The following ZNF320 variants were observed in gnomAD, a reference collection of about 807,000 sequenced individuals.
The protein encoded by ZNF320 is zinc finger gene 320.
Under a neutral mutation model 6.8 loss-of-function variants are expected in ZNF320, and 2 were observed. That is an observed-to-expected ratio of 0.29 (90% CI 0.12 to 0.93). ZNF320 has a LOEUF of 0.93. Ranked by LOEUF, ZNF320 falls within the 40% of genes least tolerant of loss-of-function variation. The pLI, the probability that ZNF320 is intolerant of heterozygous loss-of-function variation, is 0.55. For synonymous variants in ZNF320, 208 were observed against 203.2 expected (o/e 1.02, Z -0.20); for missense variants, 472 against 611.0 (o/e 0.77, Z 2.40).
exon 6 of ZNF320, among the ~76,000 whole-genome samples, chr19:52,863,610 GA>G (rs528252648): frequency 0.012 from 1,303 of 107,942 alleles, 11 homozygotes; most frequent in African/African-American, 0.027. Context: ...CTCAAAAAAG[GA>G]AAAAAAAAAA....
chr19:52,898,804 T>C (rs1246071685), upstream of ZNF320, among the ~76,000 whole-genome samples: 1 of 152,212 alleles, frequency 6.6e-6, no homozygotes, highest in Non-Finnish European at 1.5e-5. Flanking sequence ...CTATACAATG[T>C]CTGGAATCTA....
chr19:52,881,406 A>G lies in ZNF320; in HGVS notation c.720T>C (p.Thr240=). The G allele has an allele frequency of 1.2e-6, 2 of 1,614,124 alleles. No individual in the cohort carries two copies. Among genetic ancestry groups the G allele is most frequent in the Non-Finnish European group, 1.7e-6 (2 of 1,180,016 alleles). ...ATLACHHRSH[T]GEKPYKCNEC... ...CATTACACTTATAAGGTTTCTCTCC[A>G]GTATGACTTCTATGATGACATGCAA... Residue 240 remains threonine, a synonymous_variant, in exon 6 of 6, where the codon ACT becomes ACC. Transcript: ENST00000682928.
chr19:52,887,681 G>C (rs367673306), intron 5 of ZNF320, among the ~76,000 whole-genome samples: 1 of 152,094 alleles, frequency 6.6e-6, no homozygotes, highest in East Asian at 1.9e-4. Context: ...TGGCCTCCTG[G>C]GTTCAAGCAA....
chr19:52,862,113 G>T, exon 6 of ZNF320: 1 of 371,874 alleles, frequency 2.7e-6, no homozygotes. Context: ...TCTTCATTAC[G>T]GATTCTCCAA....
chr19:52,880,100 G>C lies in ZNF320; in HGVS notation c.*496C>G, dbSNP rs1353937944. The C allele has an allele frequency of 1.3e-5, 2 of 152,456 alleles. No homozygotes were observed. The highest frequency in any genetic ancestry group is 2.9e-5 in the Non-Finnish European group (2 of 68,302). 9.4% of individuals were successfully genotyped at this position (152,456 alleles called of 1,614,324 possible). ...GTGGTGGCTCACGCCTGTAATCTCA[G>C]CACTTTGGCAGGTGGAGGCAGGTGG... On this transcript the variant is annotated 3_prime_UTR_variant, in exon 6 of 6. Coordinates refer to ENST00000682928, the MANE Select transcript of ZNF320 (RefSeq NM_001351774.2).
At chr19:52,894,446 G>C (rs1014843861) in intron 1 of ZNF320, among the ~76,000 whole-genome samples, 1 of 151,308 alleles carries the variant, frequency 6.6e-6, no homozygotes, top group Non-Finnish European at 1.5e-5. Context: ...ATACACCTGA[G>C]CAAAAGGAAT....
downstream of ZNF320, among the ~76,000 whole-genome samples, chr19:52,871,254 G>C (rs1019759000): frequency 1.3e-5 from 2 of 152,236 alleles, no homozygotes; most frequent in Non-Finnish European, 2.9e-5. Context: ...GGAGTTTCAG[G>C]CTGCTGTAAA....
chr19:52,897,285 G>T (rs1187538645), intron 1 of ZNF320, among the ~76,000 whole-genome samples: 1 of 152,258 alleles, frequency 6.6e-6, no homozygotes, highest in Admixed American at 6.5e-5. Context: ...GGGAACCGGG[G>T]TTGAGGCGCG....
At chr19:52,869,979 G>C (rs926073633) in intron 5 of ZNF320, among the ~76,000 whole-genome samples, 1 of 151,444 alleles carries the variant, frequency 6.6e-6, no homozygotes, top group Non-Finnish European at 1.5e-5. Context: ...GCCTCCCAAA[G>C]TGCTGGGATT....
chr19:52,877,902 C>T lies in ZNF320; in HGVS notation c.*2694G>A, dbSNP rs1318389649. On this transcript the variant is annotated 3_prime_UTR_variant, in exon 6 of 6. Coordinates refer to ENST00000682928, the MANE Select transcript of ZNF320 (RefSeq NM_001351774.2). Reference sequence around the variant, plus strand: ...AAGACTCCATCTCAAAAAAACAAAACAAACAAAACAGAATTTAAAATACAG... The same window carrying T: ...AAGACTCCATCTCAAAAAAACAAAATAAACAAAACAGAATTTAAAATACAG... The T allele has an allele frequency of 6.6e-6, 1 of 151,836 alleles. No homozygotes were observed. The highest frequency in any genetic ancestry group is 1.5e-5 in the Non-Finnish European group (1 of 67,850). The allele number at this position is 151,836 out of a possible 1,614,324, so 9.4% of individuals were successfully genotyped here. A position where few individuals can be genotyped will look rare whatever the true frequency, so the allele number is the denominator to read the frequency against.
At chr19:52,865,844 CACAT>C (rs1230818301) in intron 5 of ZNF320, among the ~76,000 whole-genome samples, 239 of 112,614 alleles carry the variant, frequency 2.1e-3, no homozygotes, top group Non-Finnish European at 3.2e-3. Flanking sequence ...TATGATTATA[CACAT>C]ATATTTATAT....
At chr19:52,873,616 C>A (rs34956710), downstream of ZNF320, among the ~76,000 whole-genome samples, 1,067 of 152,274 alleles carry the variant, frequency 7.0e-3, 12 homozygotes, top group Non-Finnish European at 9.0e-3. Flanking sequence ...TTTTATTCCC[C>A]CACAACGTAT....
chr19:52,901,945 C>G (rs1037680283), upstream of ZNF320, among the ~76,000 whole-genome samples: 2 of 151,690 alleles, frequency 1.3e-5, no homozygotes, highest in African/African-American at 2.4e-5. Context: ...ACATAGAGTG[C>G]AAAGAGTTTT....
chr19:52,862,564 T>C, exon 6 of ZNF320: 1 of 384,332 alleles, frequency 2.6e-6, no homozygotes, highest in South Asian at 2.2e-5. Flanking sequence ...TACTGGAGAC[T>C]TTGTGGCAGT....
downstream of ZNF320, among the ~76,000 whole-genome samples, chr19:52,874,937 G>A (rs901344604): frequency 6.6e-6 from 1 of 152,162 alleles, no homozygotes; most frequent in Admixed American, 6.5e-5. Flanking sequence ...CTGCGTGGCT[G>A]GAGCAGAGGG....
exon 6 of ZNF320, chr19:52,862,452 C>A: frequency 5.0e-6 from 2 of 398,362 alleles, no homozygotes; most frequent in South Asian, 4.0e-5. Context: ...CACTGATGAA[C>A]TGCAAGGTAT....
intron 4 of ZNF320, among the ~76,000 whole-genome samples, chr19:52,888,943 T>G (rs528208218): frequency 6.6e-6 from 1 of 152,266 alleles, no homozygotes; most frequent in African/African-American, 2.4e-5. Flanking sequence ...CCCAACACTT[T>G]GGGAGGCTGA....
rs181236118 is a variant in ZNF320 at position 52,868,742 on chromosome 19, A to G, written c.224-4583T>C. Among the ~76,000 whole-genome samples the G allele has an allele frequency of 1.8e-3, 273 of 152,258 alleles. 2 individuals are homozygous for G. The highest frequency in any genetic ancestry group is 6.2e-3 in the African/African-American group (257 of 41,554). ...AATGCTGCAAGGAGAACAGAATGAAATACTACAAGGGGGATACAAGCAAGG... is the reference window on the plus strand; with the variant it reads ...AATGCTGCAAGGAGAACAGAATGAAGTACTACAAGGGGGATACAAGCAAGG... On this transcript the variant is annotated intron_variant, in intron 5 of 5. Coordinates refer to the ZNF320 transcript ENST00000673631.
chr19:52,902,252 AC>A (rs2064573612), upstream of ZNF320, among the ~76,000 whole-genome samples: 3 of 152,152 alleles, frequency 2.0e-5, no homozygotes, highest in Admixed American at 2.0e-4. Context: ...GTATTGGGAG[AC>A]GGAAGCTGGA....
Sources: allele counts gnomAD v4.1 joint callset (sites outside exome capture counted in the v4.1 genomes callset), GRCh38; gene constraint gnomAD v4.1.1; transcripts MANE v1.5; gene names NCBI Gene and HGNC (gene_info 2026-07-23, HGNC 2026-07-21).